Variants in PLPBP observed in about 807,000 individuals in gnomAD.
PLPBP encodes the protein pyridoxal phosphate binding protein, also known as pyridoxal phosphate homeostasis protein.
PLPBP carries 21 observed loss-of-function variants against 31.2 expected under a neutral mutation model. The observed-to-expected ratio is 0.67, with a 90% CI of 0.48 to 0.97. The LOEUF (loss-of-function observed/expected upper bound fraction) is 0.97. Ranked by LOEUF, PLPBP falls within the 50% of genes least tolerant of loss-of-function variation. PLPBP has a pLI of 0.00. For missense variants in PLPBP, 308 were observed against 354.4 expected (o/e 0.87, Z 1.05); for synonymous variants, 124 against 135.6 (o/e 0.91, Z 0.59).
chr8:37,763,434 G>A (rs865941349), intron 1 of PLPBP, among the ~76,000 whole-genome samples: 49 of 152,212 alleles, frequency 3.2e-4, no homozygotes, highest in African/African-American at 1.1e-3. Flanking sequence ...TTAACAGAGA[G>A]GTCACAGGTT....
chr8:37,777,570 T>C (rs1803945406), intron 7 of PLPBP, among the ~76,000 whole-genome samples: 1 of 151,428 alleles, frequency 6.6e-6, no homozygotes, highest in East Asian at 1.9e-4. Flanking sequence ...GGCTCTGTTT[T>C]TGTTTTTTTT....
At chr8:37,776,699 T>A (rs1426701323) in intron 7 of PLPBP, among the ~76,000 whole-genome samples, 1 of 152,076 alleles carries the variant, frequency 6.6e-6, no homozygotes, top group Non-Finnish European at 1.5e-5. Context: ...GAAAGGCATT[T>A]CATTACGTAA....
At chr8:37,776,608 A>T (rs1803920592) in intron 7 of PLPBP, among the ~76,000 whole-genome samples, 1 of 151,968 alleles carries the variant, frequency 6.6e-6, no homozygotes, top group African/African-American at 2.4e-5. Flanking sequence ...GAAATTAATT[A>T]TAATTATAAT....
chr8:37,774,228 T>A (rs1803846344), intron 5 of PLPBP, among the ~76,000 whole-genome samples: 1 of 151,912 alleles, frequency 6.6e-6, no homozygotes, highest in South Asian at 2.1e-4. Flanking sequence ...AATAAATAAA[T>A]AAAAAATTAT....
At chr8:37,766,604 C>T in intron 4 of PLPBP, 1 of 1,120,368 alleles carries the variant, frequency 8.9e-7, no homozygotes. Context: ...ATTTGGTGGT[C>T]TTTCAGAAAA....
Position 37,775,424 on chromosome 8 carries a change from G to A in PLPBP, c.540G>A (p.Leu180=). The part of the protein sequence containing the change: ...AKCPNLEFVG[L]MTIGSFGHDL... ...GTCCTAACCTGGAGTTTGTGGGGCT[G>A]ATGACCATAGGAAGCTTTGGGCATG... The change falls in exon 6 of 8, where the codon CTG becomes CTA. Residue 180 remains leucine (L), a synonymous_variant. Coordinates refer to ENST00000328195, the MANE Select transcript of PLPBP (RefSeq NM_007198.4). 1 of 1,614,212 alleles carries A rather than the reference G, an allele frequency of 6.2e-7. No homozygotes were observed. The highest frequency in any genetic ancestry group is 1.1e-5 in the South Asian group (1 of 91,080).
At chr8:37,768,416 T>C (rs1803689017) in intron 4 of PLPBP, among the ~76,000 whole-genome samples, 2 of 151,146 alleles carry the variant, frequency 1.3e-5, no homozygotes, top group Non-Finnish European at 1.5e-5. Flanking sequence ...AAAGGAGATA[T>C]ATTGGACTCA....
At chr8:37,768,577 ATTC>A in intron 4 of PLPBP, among the ~76,000 whole-genome samples, 1 of 149,612 alleles carries the variant, frequency 6.7e-6, no homozygotes, top group Non-Finnish European at 1.5e-5. Flanking sequence ...GGTTCAAGCA[ATTC>A]TTCTGCCTCA....
chr8:37,763,869 G>A (rs1207812732), intron 1 of PLPBP, among the ~76,000 whole-genome samples: 1 of 152,104 alleles, frequency 6.6e-6, no homozygotes, highest in Non-Finnish European at 1.5e-5. Flanking sequence ...AAACTTCAGG[G>A]GATGATGGAT....
At chr8:37,764,295 A>G in intron 1 of PLPBP, among the ~76,000 whole-genome samples, 1 of 147,010 alleles carries the variant, frequency 6.8e-6, no homozygotes. Flanking sequence ...TAGTAGAGAC[A>G]GGGTTTCATT....
At position 37,763,617 on chromosome 8, in the gene PLPBP, G is replaced by GA. The variant is rs564136293; in HGVS notation, c.99+864dup. 1.3e-4 allele frequency among the ~76,000 whole-genome samples: 20 copies of GA among 152,184 alleles called. No homozygotes were observed. In the East Asian group the frequency reaches 2.9e-3, roughly 22 times the overall value. ...TCTGTGATTCTCGGTGATTCTCCAA[G>GA]AAAAATCTAGGGCTTCCCCTAATAA... On this transcript the variant is annotated intron_variant, in intron 1 of 7. Transcript: ENST00000328195.
At chr8:37,764,781 C>T (rs1803577851) in intron 1 of PLPBP, among the ~76,000 whole-genome samples, 1 of 152,210 alleles carries the variant, frequency 6.6e-6, no homozygotes, top group Non-Finnish European at 1.5e-5. Flanking sequence ...CCAGAAGTGA[C>T]CTCTCTTTTA....
intron 4 of PLPBP, among the ~76,000 whole-genome samples, chr8:37,769,359 AT>A (rs1803715858): frequency 6.6e-6 from 1 of 151,620 alleles, no homozygotes; most frequent in African/African-American, 2.4e-5. Flanking sequence ...ATTAATAATA[AT>A]AAATTTTAAA....
chr8:37,764,067 CTTTCT>C (rs779011552), intron 1 of PLPBP, among the ~76,000 whole-genome samples: 100 of 134,190 alleles, frequency 7.5e-4, no homozygotes, highest in African/African-American at 2.7e-3. Flanking sequence ...TGGTTCTTTT[CTTTCT>C]TTTTTTTTTT....
intron 4 of PLPBP, among the ~76,000 whole-genome samples, chr8:37,767,317 C>G (rs1321128586): frequency 6.6e-6 from 1 of 152,178 alleles, no homozygotes; most frequent in Non-Finnish European, 1.5e-5. Flanking sequence ...AAAGTTTCCT[C>G]CTGTCCCTTG....
intron 4 of PLPBP, among the ~76,000 whole-genome samples, chr8:37,768,421 G>A (rs1803689133): frequency 6.7e-6 from 1 of 149,302 alleles, no homozygotes; most frequent in African/African-American, 2.5e-5. Flanking sequence ...AGATATATTG[G>A]ACTCAAAAAA....
At chr8:37,775,768 C>G in intron 6 of PLPBP, 150 bp from the exon 7 acceptor site, 1 of 912,636 alleles carries the variant, frequency 1.1e-6, no homozygotes, top group Non-Finnish European at 1.7e-6. Context: ...GGATAGTTTG[C>G]AAAAAACCCT....
intron 7 of PLPBP, among the ~76,000 whole-genome samples, 191 bp downstream of exon 7, chr8:37,776,207 G>A (rs531260652): frequency 1.3e-5 from 2 of 152,312 alleles, no homozygotes; most frequent in African/African-American, 2.4e-5. Flanking sequence ...GCCAGGTGCG[G>A]TGGCGCACGC....
chr8:37,771,566 G>A (rs1803769202), intron 4 of PLPBP, among the ~76,000 whole-genome samples: 1 of 152,148 alleles, frequency 6.6e-6, no homozygotes. Flanking sequence ...GATTACAGGT[G>A]TGAGCCACTG....
Sources: allele counts gnomAD v4.1 joint callset (sites outside exome capture counted in the v4.1 genomes callset), GRCh38; gene constraint gnomAD v4.1.1; transcripts MANE v1.5; gene names NCBI Gene and HGNC (gene_info 2026-07-23, HGNC 2026-07-21).